The following ARHGEF10 variants were observed in gnomAD, a reference collection of about 807,000 sequenced individuals.
The protein encoded by ARHGEF10 is Rho guanine nucleotide exchange factor (GEF) 10.
Under a neutral mutation model 147.4 loss-of-function variants are expected in ARHGEF10, and 140 were observed. The observed-to-expected ratio is 0.95, with a 90% CI of 0.83 to 1.09. ARHGEF10 has a LOEUF of 1.09. ARHGEF10 is among the 50% of genes least tolerant of loss of function. The pLI, the probability that ARHGEF10 is intolerant of heterozygous loss-of-function variation, is 0.00. For synonymous variants in ARHGEF10, 902 were observed against 695.8 expected (o/e 1.30, Z -4.67); for missense variants, 2,222 against 1,752.7 (o/e 1.27, Z -4.78).
At chr8:1,894,670 G>A in intron 13 of ARHGEF10, 98 bp downstream of exon 13, 1 of 1,360,362 alleles carries the variant, frequency 7.4e-7, no homozygotes, top group African/African-American at 1.4e-5. Flanking sequence ...TCTCCTGCAA[G>A]CTGACAAGTG....
intron 18 of ARHGEF10, among the ~76,000 whole-genome samples, chr8:1,922,217 C>T (rs1265211385): frequency 6.6e-6 from 1 of 151,118 alleles, no homozygotes; most frequent in African/African-American, 2.4e-5. Context: ...CCCCGGGACA[C>T]GCGTCGTTCC....
chr8:1,903,126 C>T (rs1157418340), intron 15 of ARHGEF10, among the ~76,000 whole-genome samples, 155 bp from the exon 16 acceptor site: 1 of 152,250 alleles, frequency 6.6e-6, no homozygotes. Context: ...GTGACTCACT[C>T]AGCTCATCAT....
chr8:1,834,546 C>T (rs1013296834), intron 1 of ARHGEF10, among the ~76,000 whole-genome samples: 2 of 152,290 alleles, frequency 1.3e-5, no homozygotes, highest in African/African-American at 2.4e-5. Flanking sequence ...GGGGTTCTCC[C>T]GAGTCTTAGA....
intron 26 of ARHGEF10, among the ~76,000 whole-genome samples, chr8:1,942,402 G>T (rs945953719): frequency 6.6e-6 from 1 of 151,854 alleles, no homozygotes; most frequent in Admixed American, 6.6e-5. Context: ...CGAAACCACA[G>T]TGAGACACTG....
intron 2 of ARHGEF10, 73 bp from the exon 3 acceptor site, chr8:1,857,887 T>TATC: frequency 1.1e-6 from 1 of 920,638 alleles, no homozygotes; most frequent in Non-Finnish European, 1.7e-6. Context: ...TCGATCTATC[T>TATC]ATCTATCTAT....
At chr8:1,944,434 G>A (rs761091513) in intron 26 of ARHGEF10, among the ~76,000 whole-genome samples, 7 of 152,202 alleles carry the variant, frequency 4.6e-5, no homozygotes, top group African/African-American at 1.4e-4. Context: ...CACTGAAGTC[G>A]CATCCCTGAA....
chr8:1,898,591 G>T, intron 15 of ARHGEF10, 66 bp downstream of exon 15: 1 of 1,506,580 alleles, frequency 6.6e-7, no homozygotes, highest in Non-Finnish European at 9.2e-7. Flanking sequence ...TTTGAAAATG[G>T]CGTCTGTTCC....
chr8:1,950,629 T>A (rs1459610153), intron 27 of ARHGEF10, among the ~76,000 whole-genome samples: 1 of 151,844 alleles, frequency 6.6e-6, no homozygotes, highest in Non-Finnish European at 1.5e-5. Flanking sequence ...GCCTCCCGGG[T>A]TCAAGCAATT....
At chr8:1,924,415 G>T (rs1026718961) in intron 21 of ARHGEF10, among the ~76,000 whole-genome samples, 1 of 152,222 alleles carries the variant, frequency 6.6e-6, no homozygotes, top group Non-Finnish European at 1.5e-5. Context: ...CTGTGTGTGT[G>T]TGTAATGTAC....
At position 1,956,780 on chromosome 8, in the gene ARHGEF10, C is replaced by T. The variant is rs757195555; in HGVS notation, c.3552C>T (p.Asn1184=). 1.2e-5 allele frequency: 19 copies of T among 1,613,914 alleles called. No individual in the cohort carries two copies. The highest frequency in any genetic ancestry group is 1.6e-5 in the Non-Finnish European group (19 of 1,180,044). The part of the protein sequence containing the change: ...GRGMVSYHAH[N]SPVKFIVLAT... ...GCATGGTCTCCTACCATGCACACAA[C>T]AGTCCTGTCAAATTCATCGTCCTGG... Residue 1184 remains asparagine, a synonymous_variant, in exon 29 of 29, where the codon AAC becomes AAT. Transcript: ENST00000349830.
Position 1,937,794 on chromosome 8 carries a change from G to A in ARHGEF10, c.3222+3852G>A, listed in dbSNP as rs983697228. Among the ~76,000 whole-genome samples the A allele has an allele frequency of 3.3e-5, 5 of 152,180 alleles. No homozygotes were observed. The highest frequency in any genetic ancestry group is 4.1e-4 in the South Asian group (2 of 4,836). On this transcript the variant is annotated intron_variant, in intron 26 of 28. Transcript: ENST00000349830. The surrounding 1 kb of genome is among the most constrained non-coding windows in gnomAD (Gnocchi z 4.9). ...GGCCATATGCTGTCAGAACAGTGCC[G>A]GCCTGGGAGCTGCATGTGATCTGGG...
rs1202682834 is a variant in ARHGEF10, at chr8:1,956,748, G to A, written c.3521-1G>A. On this transcript the variant is annotated splice_acceptor_variant, in intron 28 of 28. Transcript: ENST00000349830. LOFTEE classifies it high-confidence loss of function. ...AGCTGTTGAACTGTTTCCCTTTTCA[G>A]GAAGAGGCATGGTCTCCTACCATGC... The A allele has an allele frequency of 6.2e-7, 1 of 1,613,744 alleles. No individual in the cohort carries two copies. Among genetic ancestry groups the A allele is most frequent in the South Asian group, 1.1e-5 (1 of 91,080 alleles).
rs542181650 is a variant in ARHGEF10, at chr8:1,886,697, C to T, written c.1182+990C>T. On this transcript the variant is annotated intron_variant, in intron 11 of 28. Transcript: ENST00000349830. ...GCATGCTCTGTGCAGGCCCCGTGCC[C>T]GGTCCCTGGTGTGTTTCACTGCATT... Among the ~76,000 whole-genome samples, 104 of 152,300 alleles carry T rather than the reference C, an allele frequency of 6.8e-4. 2 individuals carry two copies. The highest frequency in any genetic ancestry group is 1.8e-3 in the African/African-American group (75 of 41,578).
chr8:1,943,615 T>C (rs1331589733), intron 26 of ARHGEF10: 2 of 152,216 alleles, frequency 1.3e-5, no homozygotes, highest in African/African-American at 4.8e-5. Context: ...ACACTTGGGA[T>C]CTTTGTGTGT....
rs182566896 is a variant in ARHGEF10 at position 1,913,610 on chromosome 8, A to G, written c.2143+4140A>G. Reference sequence around the variant, plus strand: ...ATTGGACCAGCATCTACCTGGTCCAATACCAGCGTCCCGTCCCTGCACTGG... The same window carrying G: ...ATTGGACCAGCATCTACCTGGTCCAGTACCAGCGTCCCGTCCCTGCACTGG... On this transcript the variant is annotated intron_variant, in intron 18 of 28. Coordinates refer to ENST00000349830, the MANE Select transcript of ARHGEF10 (RefSeq NM_014629.4). Among the ~76,000 whole-genome samples, 103 of 152,360 alleles carry G rather than the reference A, an allele frequency of 6.8e-4. 1 individual carries two copies. The highest frequency in any genetic ancestry group is 4.2e-3 in the Admixed American group (65 of 15,306).
At chr8:1,868,771 G>A (rs577094065) in intron 6 of ARHGEF10, among the ~76,000 whole-genome samples, 4 of 152,092 alleles carry the variant, frequency 2.6e-5, no homozygotes, top group African/African-American at 9.7e-5. Context: ...GTGTGCCACC[G>A]TTGTATTTTT....
chr8:1,862,278 G>A (rs554255418), intron 4 of ARHGEF10, among the ~76,000 whole-genome samples: 12 of 152,378 alleles, frequency 7.9e-5, no homozygotes, highest in African/African-American at 2.6e-4. Flanking sequence ...GTACAGCCCA[G>A]CCAGGATCCC....
chr8:1,915,125 G>A (rs912897369), intron 18 of ARHGEF10, among the ~76,000 whole-genome samples: 1 of 152,082 alleles, frequency 6.6e-6, no homozygotes, highest in Non-Finnish European at 1.5e-5. Context: ...GCCTCCCTTC[G>A]TACAGACAAC....
chr8:1,957,377 A>T lies in ARHGEF10; in HGVS notation c.*114A>T. The T allele has an allele frequency of 2.8e-6, 4 of 1,450,932 alleles. No homozygotes were observed. Among genetic ancestry groups the T allele is most frequent in the Non-Finnish European group, 3.7e-6 (4 of 1,075,518 alleles). 89.9% of individuals were successfully genotyped at this position (1,450,932 alleles called of 1,614,324 possible). A position where few individuals can be genotyped will look rare whatever the true frequency, so the allele number is the denominator to read the frequency against. On this transcript the variant is annotated 3_prime_UTR_variant, in exon 29 of 29. Coordinates refer to ENST00000349830, the MANE Select transcript of ARHGEF10 (RefSeq NM_014629.4). ...CACTGGTTGGGAATAAATTAAAAAC[A>T]GTATTTGGGGGAGAAACGTGCAATA...
Sources: allele counts gnomAD v4.1 joint callset (sites outside exome capture counted in the v4.1 genomes callset), GRCh38; gene constraint gnomAD v4.1.1; non-coding constraint Gnocchi (gnomAD v3.1); transcripts MANE v1.5; gene names NCBI Gene and HGNC (gene_info 2026-07-23, HGNC 2026-07-21).